Variants in HTATIP2 observed in about 807,000 individuals in gnomAD.
HTATIP2 encodes the protein HIV-1 Tat interactive protein 2.
Under a neutral mutation model 24.7 loss-of-function variants are expected in HTATIP2, and 26 were observed. The ratio of observed to expected loss-of-function variants is 1.05; its 90% CI spans 0.77 to 1.46. HTATIP2 has a LOEUF of 1.46. HTATIP2 is among the 40% of genes most tolerant of loss of function. The pLI is 0.00. For missense variants in HTATIP2, 284 were observed against 289.6 expected (o/e 0.98, Z 0.14); for synonymous variants, 99 against 113.2 (o/e 0.87, Z 0.79).
chr11:20,377,230 G>A (rs1848460722), intron 3 of HTATIP2, among the ~76,000 whole-genome samples: 2 of 150,980 alleles, frequency 1.3e-5, no homozygotes, highest in African/African-American at 2.4e-5. Flanking sequence ...CTAGAGGCAT[G>A]AGCCACCATG....
intron 3 of HTATIP2, among the ~76,000 whole-genome samples, chr11:20,380,529 G>A (rs890333450): frequency 1.3e-5 from 2 of 151,992 alleles, no homozygotes; most frequent in Non-Finnish European, 2.9e-5. Context: ...AAAATTAGCC[G>A]GGCGTGATGG....
At position 20,382,970 on chromosome 11, in the gene HTATIP2, T is replaced by TA; in HGVS notation, c.504-10_504-9insA. 1.3e-6 allele frequency: 2 copies of TA among 1,570,636 alleles called. No homozygotes were observed. Among genetic ancestry groups the TA allele is most frequent in the Non-Finnish European group, 8.6e-7 (1 of 1,162,634 alleles). ...TGCTTTTCTTTCTTTTTTTTTTTTTTTTATTTTAGAGTTCTGTTATGTGAT... is the reference window on the plus strand; with the variant it reads ...TGCTTTTCTTTCTTTTTTTTTTTTTTATTATTTTAGAGTTCTGTTATGTGAT... On this transcript the variant is annotated splice_polypyrimidine_tract_variant and intron_variant, in intron 4 of 4. Transcript: ENST00000451739.
intron 3 of HTATIP2, 66 bp from the exon 4 acceptor site, chr11:20,382,112 T>C (rs1409494363): frequency 1.1e-5 from 10 of 938,062 alleles, no homozygotes; most frequent in Non-Finnish European, 1.5e-5. Context: ...CAAATTATTC[T>C]CTCTTAAACT....
intron 2 of HTATIP2, among the ~76,000 whole-genome samples, chr11:20,371,297 C>T (rs1394058914): frequency 6.6e-6 from 1 of 152,152 alleles, no homozygotes; most frequent in East Asian, 1.9e-4. Flanking sequence ...TGTTTGGTTG[C>T]CAAGTAGCTA....
intron 3 of HTATIP2, among the ~76,000 whole-genome samples, chr11:20,379,501 C>A (rs573371384): frequency 6.6e-6 from 1 of 152,168 alleles, no homozygotes; most frequent in East Asian, 1.9e-4. Context: ...CTCCCCCGCC[C>A]CACCCAATTT....
At position 20,383,658 on chromosome 11, in the gene HTATIP2, A is replaced by G. The variant is rs1366528554; in HGVS notation, c.*453A>G. The G allele has an allele frequency of 6.1e-6, 1 of 163,880 alleles. No homozygotes were observed. Among genetic ancestry groups the G allele is most frequent in the East Asian group, 1.8e-4 (1 of 5,500 alleles). The allele number at this position is 163,880 out of a possible 1,614,324, so 10.2% of individuals were successfully genotyped here. A position where few individuals can be genotyped will look rare whatever the true frequency, so the allele number is the denominator to read the frequency against. Reference sequence around the variant, plus strand: ...TGAGTTACAAAAGTGCTAATTCACTACATGTAATTGTGTAAGTAAACATTG... The same window carrying G: ...TGAGTTACAAAAGTGCTAATTCACTGCATGTAATTGTGTAAGTAAACATTG... On this transcript the variant is annotated 3_prime_UTR_variant, in exon 5 of 5. Transcript: ENST00000451739.
Position 20,363,898 on chromosome 11 carries a change from G to T in HTATIP2, c.-340G>T. The T allele has an allele frequency of 1.6e-6, 2 of 1,242,468 alleles. No homozygotes were observed. Among genetic ancestry groups the T allele is most frequent in the Middle Eastern group, 2.9e-4 (1 of 3,420 alleles). The allele number at this position is 1,242,468 out of a possible 1,614,324, so 77.0% of individuals were successfully genotyped here. A position where few individuals can be genotyped will look rare whatever the true frequency, so the allele number is the denominator to read the frequency against. ...TGCTGCGTCGTGAGGACCCGGGGCC[G>T]GGGGCTGGCCCCAGGTAACCCCTCC... On this transcript the variant is annotated 5_prime_UTR_variant, in exon 1 of 5. Transcript: ENST00000451739.
Position 20,364,074 on chromosome 11 carries a change from C to G in HTATIP2, c.-164C>G. 2 of 1,367,486 alleles carry G rather than the reference C, an allele frequency of 1.5e-6. No individual in the cohort carries two copies. Among genetic ancestry groups the G allele is most frequent in the Non-Finnish European group, 9.4e-7 (1 of 1,060,374 alleles). The allele number at this position is 1,367,486 out of a possible 1,614,324, so 84.7% of individuals were successfully genotyped here. ...TGCTGGCTCAGGTGCGGGCGATGGCCGGGGAGCCGCGCCCCGCACGTGACT... is the reference window on the plus strand; with the variant it reads ...TGCTGGCTCAGGTGCGGGCGATGGCGGGGGAGCCGCGCCCCGCACGTGACT... On this transcript the variant is annotated 5_prime_UTR_variant, in exon 1 of 5. Transcript: ENST00000451739.
intron 2 of HTATIP2, among the ~76,000 whole-genome samples, chr11:20,375,299 C>T (rs774604497): frequency 1.3e-4 from 20 of 152,032 alleles, no homozygotes; most frequent in Non-Finnish European, 1.9e-4. Context: ...AGGCCGGGCG[C>T]GGTGGCTCAC....
intron 3 of HTATIP2, among the ~76,000 whole-genome samples, chr11:20,381,754 G>T (rs756221800): frequency 6.6e-6 from 1 of 151,798 alleles, no homozygotes; most frequent in Non-Finnish European, 1.5e-5. Flanking sequence ...GGTTTAAGAA[G>T]TGAGTAATAT....
chr11:20,377,104 C>T (rs1016553158), intron 3 of HTATIP2, among the ~76,000 whole-genome samples: 1 of 149,336 alleles, frequency 6.7e-6, no homozygotes, highest in Non-Finnish European at 1.5e-5. Flanking sequence ...AAGCAGTATT[C>T]TAGTTACAGA....
chr11:20,365,854 T>A (rs1038636872), intron 1 of HTATIP2, among the ~76,000 whole-genome samples: 1 of 151,202 alleles, frequency 6.6e-6, no homozygotes, highest in Non-Finnish European at 1.5e-5. Context: ...GCCTGTAATC[T>A]CAGCTACTCA....
At chr11:20,365,722 A>T (rs1161373386) in intron 1 of HTATIP2, among the ~76,000 whole-genome samples, 1 of 152,102 alleles carries the variant, frequency 6.6e-6, no homozygotes, top group Non-Finnish European at 1.5e-5. Flanking sequence ...CTGTAATCCC[A>T]GAGCTTTGGG....
In HTATIP2 at chr11:20,367,227, A is replaced by C. The variant is rs745841269; in HGVS notation, c.249A>C (p.Gln83His). ...EKLDDYASAF[Q>H]GHDVGFCCLG... ...TGGATGACTACGCCTCTGCCTTTCA[A>C]GGTCATGATGTTGGATTCTGTTGCC... The change falls in exon 2 of 5, where the codon CAA becomes CAC. Residue 83 changes from glutamine to histidine, a missense_variant. Coordinates refer to ENST00000451739, the MANE Select transcript of HTATIP2 (RefSeq NM_001098522.2). 6.8e-6 allele frequency: 11 copies of C among 1,614,128 alleles called. No individual in the cohort carries two copies. The highest frequency in any genetic ancestry group is 9.3e-6 in the Non-Finnish European group (11 of 1,180,010).
intron 1 of HTATIP2, among the ~76,000 whole-genome samples, chr11:20,366,107 T>TC (rs2064702051): frequency 7.6e-6 from 1 of 131,758 alleles, no homozygotes; most frequent in Non-Finnish European, 1.7e-5. Context: ...TTCTTTTTTT[T>TC]TTTTTTTTTT....
chr11:20,365,034 A>C (rs1450257779), intron 1 of HTATIP2, among the ~76,000 whole-genome samples: 1 of 144,512 alleles, frequency 6.9e-6, no homozygotes, highest in East Asian at 2.0e-4. Context: ...CCCAGGCTGG[A>C]GTGCAGTGGC....
Position 20,376,649 on chromosome 11 carries a change from A to T in HTATIP2, c.373A>T (p.Lys125Ter), listed in dbSNP as rs754157913. The change falls in exon 3 of 5, where the codon AAA becomes TAA. Residue 125 changes from lysine to a stop codon, truncating the protein, a stop_gained. Coordinates refer to ENST00000451739, the MANE Select transcript of HTATIP2 (RefSeq NM_001098522.2). LOFTEE classifies it high-confidence loss of function. ...AGAGCTGGCAAAAGCTGGAGGGTGCAAACATTTCAACTTGCTATCCTCTAA... is the reference window on the plus strand; with the variant it reads ...AGAGCTGGCAAAAGCTGGAGGGTGCTAACATTTCAACTTGCTATCCTCTAA... ...SAELAKAGGC[K>*]HFNLLSSKGA... 7.4e-6 allele frequency: 12 copies of T among 1,613,898 alleles called. No homozygotes were observed. Among genetic ancestry groups the T allele is most frequent in the Middle Eastern group, 1.6e-4 (1 of 6,082 alleles).
At chr11:20,380,488 C>T (rs528904772) in intron 3 of HTATIP2, among the ~76,000 whole-genome samples, 2 of 151,950 alleles carry the variant, frequency 1.3e-5, no homozygotes, top group Non-Finnish European at 2.9e-5. Context: ...CTGGCTAACA[C>T]GGTGAAACCC....
intron 1 of HTATIP2, 127 bp downstream of exon 1, chr11:20,364,559 A>G: frequency 1.3e-6 from 1 of 798,876 alleles, no homozygotes; most frequent in South Asian, 1.9e-5. Flanking sequence ...AACTTGGCCA[A>G]GATTGGTCTG....
Sources: gnomAD v4.1 joint callset for allele counts (sites outside exome capture counted in the v4.1 genomes callset) on GRCh38, gnomAD v4.1.1 for gene constraint, MANE v1.5 for transcripts, NCBI Gene and HGNC (gene_info 2026-07-23, HGNC 2026-07-21) for gene names.